The following VPS54 variants were observed in gnomAD, a reference collection of about 807,000 sequenced individuals.
VPS54 encodes vacuolar protein sorting-associated protein 54.
Under a neutral mutation model 121.5 loss-of-function variants are expected in VPS54, and 45 were observed. That is an observed-to-expected ratio of 0.37 (90% CI 0.29 to 0.47). The LOEUF is 0.47. VPS54 is among the 20% of genes least tolerant of loss of function. The pLI is 0.99. For synonymous variants in VPS54, 371 were observed against 385.8 expected (o/e 0.96, Z 0.45); for missense variants, 1,090 against 1,131.4 (o/e 0.96, Z 0.52).
At chr2:63,959,680 A>C (rs1675662526) in intron 7 of VPS54, among the ~76,000 whole-genome samples, 1 of 152,118 alleles carries the variant, frequency 6.6e-6, no homozygotes, top group African/African-American at 2.4e-5. Flanking sequence ...TGAGCTCAGG[A>C]GTTCGAGACC....
intron 1 of VPS54, among the ~76,000 whole-genome samples, chr2:63,994,157 C>T (rs771224531): frequency 6.6e-6 from 1 of 152,134 alleles, no homozygotes; most frequent in Non-Finnish European, 1.5e-5. Context: ...CAACACAGAC[C>T]CATCTAACCA....
chr2:63,995,697 G>A (rs1018907321), intron 1 of VPS54, among the ~76,000 whole-genome samples: 6 of 152,208 alleles, frequency 3.9e-5, no homozygotes, highest in East Asian at 3.8e-4. Context: ...CTTGGAGATC[G>A]GGTAGTGAGT....
chr2:63,968,969 C>G lies in VPS54; in HGVS notation c.480G>C (p.Glu160Asp). The G allele has an allele frequency of 6.2e-7, 1 of 1,604,984 alleles. No individual in the cohort carries two copies. The highest frequency in any genetic ancestry group is 8.5e-7 in the Non-Finnish European group (1 of 1,176,288). Residue 160 changes from glutamate (E) to aspartate (D), a missense_variant, in exon 5 of 23, where the codon GAG becomes GAC. This residue lies in a region of VPS54 where 801 missense variants were observed against 757.0 expected (regional missense o/e 1.06). Transcript: ENST00000272322. The stretch of plus-strand genomic sequence containing the variant: ...TAAGCTTTGTTACCTTAGGTACTTG[C>G]TCCAGATCTGTCCTGGATTTATCTA... ...HTHDKSRTDL[E>D]QVPKIFMKPD...
intron 3 of VPS54, among the ~76,000 whole-genome samples, chr2:63,979,042 T>TTAA (rs1676678801): frequency 6.6e-6 from 1 of 152,212 alleles, no homozygotes; most frequent in Non-Finnish European, 1.5e-5. Flanking sequence ...TATTAGGCTT[T>TTAA]TAATCTCTGT....
intron 1 of VPS54, among the ~76,000 whole-genome samples, chr2:64,004,665 G>A (rs561773911): frequency 1.8e-4 from 28 of 152,308 alleles, no homozygotes; most frequent in Admixed American, 1.4e-3. Flanking sequence ...ACAGTCTGGC[G>A]AAGTTTATGG....
intron 11 of VPS54, 151 bp downstream of exon 11, chr2:63,942,314 A>C: frequency 3.9e-6 from 2 of 511,698 alleles, no homozygotes; most frequent in Non-Finnish European, 6.6e-6. Flanking sequence ...GAGGTACCTA[A>C]ATTTTTATTT....
intron 2 of VPS54, among the ~76,000 whole-genome samples, chr2:63,982,810 T>G (rs1676859199): frequency 1.3e-5 from 2 of 152,056 alleles, no homozygotes; most frequent in Non-Finnish European, 2.9e-5. Flanking sequence ...AAAAAGAACA[T>G]TAGTTTATAG....
chr2:63,979,334 G>A (rs1424632283), intron 3 of VPS54, among the ~76,000 whole-genome samples: 1 of 150,800 alleles, frequency 6.6e-6, no homozygotes, highest in Non-Finnish European at 1.5e-5. Flanking sequence ...CAACCACCCA[G>A]TTTCAAGCTA....
intron 15 of VPS54, among the ~76,000 whole-genome samples, chr2:63,917,424 T>C (rs1308296968): frequency 6.6e-6 from 1 of 152,092 alleles, no homozygotes; most frequent in Non-Finnish European, 1.5e-5. Flanking sequence ...TACAAGTTAA[T>C]TTCTAAATTT....
chr2:63,984,838 A>G (rs1388664682), intron 1 of VPS54, among the ~76,000 whole-genome samples: 1 of 152,214 alleles, frequency 6.6e-6, no homozygotes, highest in Non-Finnish European at 1.5e-5. Context: ...CAATATTGAA[A>G]CTGGACACTA....
At chr2:63,963,612 A>G (rs977573873) in intron 6 of VPS54, among the ~76,000 whole-genome samples, 10 of 152,136 alleles carry the variant, frequency 6.6e-5, no homozygotes, top group South Asian at 2.1e-4. Context: ...CATATCTTCA[A>G]TAATGCTCCT....
intron 1 of VPS54, among the ~76,000 whole-genome samples, chr2:64,017,941 C>T (rs1278739209): frequency 6.6e-6 from 1 of 152,186 alleles, no homozygotes; most frequent in South Asian, 2.1e-4. Flanking sequence ...TCCCATCATT[C>T]CCTCTGTTCC....
In VPS54 at chr2:63,893,419, C is replaced by A; in HGVS notation, c.*11G>T. ...ATGGTCAGATGAACTACCCAGTTTT[C>A]CAGGATGACATCACCTCTTCTGCTC... On this transcript the variant is annotated 3_prime_UTR_variant, in exon 23 of 23. Transcript: ENST00000272322. The A allele has an allele frequency of 1.9e-6, 3 of 1,610,116 alleles. No individual in the cohort carries two copies. The highest frequency in any genetic ancestry group is 2.6e-6 in the Non-Finnish European group (3 of 1,176,454).
intron 19 of VPS54, 55 bp downstream of exon 19, chr2:63,912,484 TA>T (rs1457324670): frequency 2.5e-6 from 4 of 1,609,324 alleles, no homozygotes; most frequent in Non-Finnish European, 3.4e-6. Flanking sequence ...TTAAAATACT[TA>T]ACAATTAAGG....
intron 12 of VPS54, among the ~76,000 whole-genome samples, chr2:63,931,860 C>T (rs1195625322): frequency 2.6e-5 from 4 of 152,220 alleles, no homozygotes; most frequent in African/African-American, 9.7e-5. Context: ...TGAACAGACA[C>T]TTCTCAAAAG....
chr2:63,899,378 A>G, intron 21 of VPS54, 96 bp downstream of exon 21: 2 of 986,166 alleles, frequency 2.0e-6, no homozygotes, highest in Non-Finnish European at 3.0e-6. Context: ...TTGGAACATG[A>G]ACAGCTTAAC....
At chr2:63,930,730 G>A (rs1026342711) in intron 12 of VPS54, among the ~76,000 whole-genome samples, 2 of 152,182 alleles carry the variant, frequency 1.3e-5, no homozygotes, top group African/African-American at 4.8e-5. Context: ...AATTGTCTCT[G>A]TTTGTAGATG....
chr2:63,954,790 C>G (rs931004320), intron 7 of VPS54, among the ~76,000 whole-genome samples: 1 of 151,970 alleles, frequency 6.6e-6, no homozygotes, highest in Non-Finnish European at 1.5e-5. Flanking sequence ...GAAAAAATAA[C>G]ATGCTAAACA....
intron 1 of VPS54, among the ~76,000 whole-genome samples, chr2:63,998,040 A>C (rs767933239): frequency 6.6e-6 from 1 of 152,128 alleles, no homozygotes; most frequent in Non-Finnish European, 1.5e-5. Flanking sequence ...GTGGTCAGAG[A>C]AGATGCTTGA....
Sources: gnomAD v4.1 joint callset for allele counts (sites outside exome capture counted in the v4.1 genomes callset) on GRCh38, gnomAD v4.1.1 for gene constraint, gnomAD v4.1.1 regional missense constraint, MANE v1.5 for transcripts, NCBI Gene and HGNC (gene_info 2026-07-23, HGNC 2026-07-21) for gene names.